Variants in SPATA22 observed in about 807,000 individuals in gnomAD.
SPATA22 encodes spermatogenesis-associated protein 22.
A neutral mutation model predicts 47.8 loss-of-function variants in SPATA22; 29 were observed. That is an observed-to-expected ratio of 0.61 (90% CI 0.45 to 0.83). The LOEUF (loss-of-function observed/expected upper bound fraction) is 0.83, where lower values mean the gene tolerates loss of function less well. SPATA22 is among the 40% of genes least tolerant of loss of function. The pLI is 0.00. For missense variants in SPATA22, 410 were observed against 421.7 expected, an observed-to-expected ratio of 0.97 and a Z score of 0.24; for synonymous variants, 133 against 140.9, an observed-to-expected ratio of 0.94 and a Z score of 0.40.
At chr17:3,497,270 A>G (rs529695492) in intron 1 of SPATA22, among the ~76,000 whole-genome samples, 10 of 152,106 alleles carry the variant, frequency 6.6e-5, no homozygotes, top group Non-Finnish European at 1.0e-4. Flanking sequence ...TTCTGGGGCA[A>G]GTCTCTGCCT....
intron 1 of SPATA22, among the ~76,000 whole-genome samples, chr17:3,493,626 G>A (rs1048920882): frequency 1.3e-5 from 2 of 151,124 alleles, no homozygotes; most frequent in Non-Finnish European, 2.9e-5. Context: ...TCAGTTGCTG[G>A]AACTCCTCCT....
At chr17:3,510,612 C>T (rs2074099672) in intron 1 of SPATA22, 1 of 152,220 alleles carries the variant, frequency 6.6e-6, no homozygotes, top group African/African-American at 2.4e-5. Flanking sequence ...GTTTCGCACA[C>T]ACATACACAC....
At chr17:3,512,037 T>C (rs2074119795) in intron 1 of SPATA22, 1 of 152,238 alleles carries the variant, frequency 6.6e-6, no homozygotes. Flanking sequence ...CTTAAACTTC[T>C]TCCAATGACC....
intron 5 of SPATA22, among the ~76,000 whole-genome samples, chr17:3,453,391 C>A (rs1294342571): frequency 1.3e-5 from 2 of 152,004 alleles, no homozygotes; most frequent in Non-Finnish European, 2.9e-5. Context: ...ATGTTATACA[C>A]CACAGTAGCA....
At chr17:3,489,261 G>A (rs772264936) in intron 1 of SPATA22, 2 of 1,612,838 alleles carry the variant, frequency 1.2e-6, no homozygotes, top group Non-Finnish European at 1.7e-6. Flanking sequence ...TCAGCCTCAA[G>A]GGGTTCTGAG....
intron 1 of SPATA22, among the ~76,000 whole-genome samples, chr17:3,487,855 C>T (rs1451925308): frequency 6.6e-6 from 1 of 152,140 alleles, no homozygotes; most frequent in African/African-American, 2.4e-5. Flanking sequence ...GGTAGGCAAA[C>T]GACAATGTAT....
intron 1 of SPATA22, chr17:3,499,342 C>G (rs1479919820): frequency 6.5e-6 from 2 of 307,680 alleles, no homozygotes; most frequent in Non-Finnish European, 1.2e-5. Flanking sequence ...TTGGGTAGCT[C>G]AACATTCTTA....
intron 1 of SPATA22, among the ~76,000 whole-genome samples, chr17:3,478,194 A>AATAT: frequency 6.6e-6 from 1 of 150,990 alleles, no homozygotes; most frequent in Non-Finnish European, 1.5e-5. Context: ...CAAAAAAAAA[A>AATAT]ATATATATAT....
chr17:3,442,238 A>G (rs987610215), intron 8 of SPATA22, among the ~76,000 whole-genome samples: 8 of 152,056 alleles, frequency 5.3e-5, no homozygotes, highest in African/African-American at 1.7e-4. Context: ...TTGATCATCA[A>G]CTATGTGTCA....
At position 3,440,304 on chromosome 17, in the gene SPATA22, A is replaced by T; in HGVS notation, c.935T>A (p.Val312Asp). The change falls in exon 9 of 9, where the codon GTT (valine) becomes GAT (aspartate). Residue 312 changes from valine (V) to aspartate (D), a missense_variant. Coordinates refer to ENST00000572969, the MANE Select transcript of SPATA22 (RefSeq NM_001170698.2). ...RELPRLIRGRVHRCVGNYDQK... is the reference protein window; with the variant it reads ...RELPRLIRGRDHRCVGNYDQK... Reference sequence around the variant, plus strand: ...GTCATAGTTGCCAACACATCTATGAACTCGGCCTCTAATCAGTCTCGGAAG... The same window carrying T: ...GTCATAGTTGCCAACACATCTATGATCTCGGCCTCTAATCAGTCTCGGAAG... 1 of 1,598,282 alleles carries T rather than the reference A, an allele frequency of 6.3e-7. No individual in the cohort carries two copies. The highest frequency in any genetic ancestry group is 1.1e-5 in the South Asian group (1 of 88,762).
rs2073763348 is a variant in SPATA22, at chr17:3,488,342, A to G, written c.-73-18944T>C. On this transcript the variant is annotated intron_variant, in intron 1 of 8. Coordinates refer to the SPATA22 transcript ENST00000541913. The surrounding 1 kb of genome is among the most constrained non-coding windows in gnomAD (Gnocchi z 6.1). ...ATTTCATATGAGTTAGAAGAAATGAACACAAGTTTTTTCCTGCATAAAATT... is the reference window on the plus strand; with the variant it reads ...ATTTCATATGAGTTAGAAGAAATGAGCACAAGTTTTTTCCTGCATAAAATT... Among the ~76,000 whole-genome samples the G allele has an allele frequency of 6.6e-6, 1 of 152,200 alleles. No individual in the cohort carries two copies. The highest frequency in any genetic ancestry group is 2.4e-5 in the African/African-American group (1 of 41,454).
intron 5 of SPATA22, among the ~76,000 whole-genome samples, chr17:3,450,509 C>T (rs111571604): frequency 1.0e-3 from 157 of 152,218 alleles, no homozygotes; most frequent in Non-Finnish European, 1.7e-3. Context: ...CTTCTTCATA[C>T]GACAATAATT....
intron 2 of SPATA22, among the ~76,000 whole-genome samples, chr17:3,468,636 G>A (rs7223140): frequency 0.33 from 49,981 of 152,100 alleles, 10,529 homozygotes; most frequent in Non-Finnish European, 0.48. Flanking sequence ...CATGGACTAA[G>A]AGCCAGATTC....
At chr17:3,483,715 T>A in intron 1 of SPATA22, 1 of 924,276 alleles carries the variant, frequency 1.1e-6, no homozygotes. Context: ...CAGGCTGGAG[T>A]CCGATGGTGT....
chr17:3,499,005 G>T lies in SPATA22; in HGVS notation c.-74+14407C>A. The T allele has an allele frequency of 4.3e-6, 7 of 1,614,138 alleles. No individual in the cohort carries two copies. The highest frequency in any genetic ancestry group is 5.9e-6 in the Non-Finnish European group (7 of 1,180,004). On this transcript the variant is annotated intron_variant, in intron 1 of 8. Transcript: ENST00000541913. The stretch of plus-strand genomic sequence containing the variant: ...GTACCCCGTGTTTGTGAATGAGGCC[G>T]CATATTACGAAAAGAAAGAAGCTTT...
chr17:3,478,724 A>G (rs950029062), intron 1 of SPATA22, among the ~76,000 whole-genome samples: 1 of 152,172 alleles, frequency 6.6e-6, no homozygotes, highest in African/African-American at 2.4e-5. Context: ...GTGGTTGAAA[A>G]ATTATAAAAT....
Position 3,513,847 on chromosome 17 carries a change from C to T in SPATA22, c.-509G>A. On this transcript the variant is annotated 5_prime_UTR_variant, in exon 1 of 9. Transcript: ENST00000541913. ...GACTCCACCATCCCTCAAAGCCTCT[C>T]TGCACAGAGTCGGTGACTCCGCCTG... The T allele has an allele frequency of 2.2e-6, 3 of 1,356,204 alleles. No individual in the cohort carries two copies. In the Middle Eastern group the frequency reaches 5.5e-4, roughly 248 times the overall value. 84.0% of individuals were successfully genotyped at this position (1,356,204 alleles called of 1,614,324 possible). A position where few individuals can be genotyped will look rare whatever the true frequency, so the allele number is the denominator to read the frequency against.
chr17:3,440,532 C>A, intron 8 of SPATA22, 194 bp from the exon 9 acceptor site: 1 of 398,560 alleles, frequency 2.5e-6, no homozygotes, highest in Non-Finnish European at 4.5e-6. Flanking sequence ...AGGAAAGACC[C>A]TCACTTGGTA....
chr17:3,463,069 T>C lies in SPATA22; in HGVS notation c.173-302A>G, dbSNP rs2073165688. On this transcript the variant is annotated intron_variant, in intron 3 of 8. Transcript: ENST00000572969. ...GAATTTCATCTAATCCAATGTTTAC[T>C]GAACTTTTAAAATCTCACCCACAGA... Among the ~76,000 whole-genome samples the C allele has an allele frequency of 5.3e-5, 8 of 152,264 alleles. No individual in the cohort carries two copies. In the South Asian group the frequency reaches 1.4e-3, roughly 28 times the overall value.
Sources: allele counts gnomAD v4.1 joint callset (sites outside exome capture counted in the v4.1 genomes callset), GRCh38; gene constraint gnomAD v4.1.1; non-coding constraint Gnocchi (gnomAD v3.1); transcripts MANE v1.5; gene names NCBI Gene and HGNC (gene_info 2026-07-23, HGNC 2026-07-21).